The following KCNQ2 variants were observed in gnomAD, a reference collection of about 807,000 sequenced individuals.
The protein encoded by KCNQ2 is potassium voltage-gated channel subfamily Q member 2, also known as potassium voltage-gated channel subfamily KQT member 2.
KCNQ2 carries 14 observed loss-of-function variants against 84.8 expected under a neutral mutation model. The observed-to-expected ratio is 0.17, with a 90% CI of 0.11 to 0.26. The LOEUF (loss-of-function observed/expected upper bound fraction) is 0.26. Ranked by LOEUF, KCNQ2 falls within the 10% of genes least tolerant of loss-of-function variation. The pLI is 1.00. For synonymous variants in KCNQ2, 599 were observed against 554.1 expected (o/e 1.08, Z -1.14); for missense variants, 788 against 1,254.0 (o/e 0.63, Z 5.61).
intron 5 of KCNQ2, among the ~76,000 whole-genome samples, chr20:63,440,956 T>C (rs1441017304): frequency 2.0e-5 from 3 of 150,138 alleles, no homozygotes; most frequent in Non-Finnish European, 4.4e-5. Flanking sequence ...AAAGGAGGCG[T>C]GGTTTTTTGT....
chr20:63,455,914 CGGG>C (rs2081775798), intron 1 of KCNQ2, among the ~76,000 whole-genome samples: 1 of 112,144 alleles, frequency 8.9e-6, no homozygotes, highest in African/African-American at 4.1e-5. Flanking sequence ...CCCCCACCTC[CGGG>C]AGGCCCCTCT....
At chr20:63,461,036 G>T (rs1331488113) in intron 1 of KCNQ2, 1 of 152,254 alleles carries the variant, frequency 6.6e-6, no homozygotes, top group Non-Finnish European at 1.5e-5. Context: ...GCACAGGCGG[G>T]CGCAGACACC....
At chr20:63,434,052 G>A in intron 7 of KCNQ2, 149 bp from the exon 8 acceptor site, 1 of 656,064 alleles carries the variant, frequency 1.5e-6, no homozygotes, top group Non-Finnish European at 2.6e-6. Flanking sequence ...AGGCCCCAGT[G>A]CTGCATCAGC....
At chr20:63,458,786 C>G (rs1303141705) in intron 1 of KCNQ2, among the ~76,000 whole-genome samples, 2 of 152,234 alleles carry the variant, frequency 1.3e-5, no homozygotes, top group African/African-American at 4.8e-5. Context: ...TGCTCGAGAG[C>G]CCAGGCTGGC....
At chr20:63,453,122 C>T (rs1415696060) in intron 1 of KCNQ2, among the ~76,000 whole-genome samples, 2 of 152,166 alleles carry the variant, frequency 1.3e-5, no homozygotes, top group Non-Finnish European at 2.9e-5. Context: ...TGCCGCCCCG[C>T]GGTGGACGTC....
intron 1 of KCNQ2, among the ~76,000 whole-genome samples, chr20:63,450,618 AGGGTCAAGGTG>A (rs1363195719): frequency 2.9e-4 from 2 of 7,012 alleles, no homozygotes; most frequent in Non-Finnish European, 5.4e-4. Flanking sequence ...GAGGTCACAC[AGGGTCAAGGTG>A]GGGTCAAGGT....
At chr20:63,419,492 G>C in intron 12 of KCNQ2, 127 bp downstream of exon 12, 1 of 906,628 alleles carries the variant, frequency 1.1e-6, no homozygotes, top group Non-Finnish European at 1.7e-6. Flanking sequence ...CGCACCGCCA[G>C]GGCGGTGGGT....
In KCNQ2 at chr20:63,438,735, G is replaced by T. The variant is rs374775048; in HGVS notation, c.928-15C>A. ...CCCAAGATGCCCTGCAATTCATCAGGGTCAGGTCACACCCCAGGGACCCCC... is the reference window on the plus strand; with the variant it reads ...CCCAAGATGCCCTGCAATTCATCAGTGTCAGGTCACACCCCAGGGACCCCC... On this transcript the variant is annotated splice_polypyrimidine_tract_variant and intron_variant, in intron 6 of 16. Coordinates refer to ENST00000359125, the MANE Select transcript of KCNQ2 (RefSeq NM_172107.4). This position sits in a 1 kb window ranked among gnomAD's most constrained non-coding sequence, Gnocchi z 5.1. The T allele has an allele frequency of 1.2e-6, 2 of 1,611,624 alleles. No individual in the cohort carries two copies. Among genetic ancestry groups the T allele is most frequent in the Non-Finnish European group, 1.7e-6 (2 of 1,178,850 alleles).
At chr20:63,411,467 G>A (rs969616111) in intron 15 of KCNQ2, among the ~76,000 whole-genome samples, 1 of 152,208 alleles carries the variant, frequency 6.6e-6, no homozygotes. Context: ...TGATCCTGGA[G>A]GTGCTGCCCG....
At chr20:63,469,797 A>G (rs573096425) in intron 1 of KCNQ2, among the ~76,000 whole-genome samples, 1 of 152,376 alleles carries the variant, frequency 6.6e-6, no homozygotes, top group African/African-American at 2.4e-5. Context: ...CACACGGGCC[A>G]GTCCATGCCG....
intron 5 of KCNQ2, among the ~76,000 whole-genome samples, chr20:63,440,302 G>A (rs982572998): frequency 9.2e-5 from 14 of 152,074 alleles, no homozygotes; most frequent in African/African-American, 7.2e-5. Flanking sequence ...CAAGGGTCCC[G>A]GTGAGCCCAG....
chr20:63,423,807 C>A (rs6090414), intron 11 of KCNQ2: 1 of 312,618 alleles, frequency 3.2e-6, no homozygotes, highest in Non-Finnish European at 6.0e-6. Flanking sequence ...CGACTCAGGC[C>A]AGCTGTGAGC....
chr20:63,448,011 G>C (rs930351066), intron 1 of KCNQ2: 1 of 152,364 alleles, frequency 6.6e-6, no homozygotes, highest in Middle Eastern at 3.4e-3. Flanking sequence ...GCTAGCCCCC[G>C]AAGACCCTGC....
intron 10 of KCNQ2, among the ~76,000 whole-genome samples, chr20:63,426,684 C>T (rs909730689): frequency 6.6e-6 from 1 of 152,176 alleles, no homozygotes; most frequent in Non-Finnish European, 1.5e-5. Context: ...CTCTGCCCAA[C>T]AGTAGCGCAC....
intron 1 of KCNQ2, among the ~76,000 whole-genome samples, chr20:63,458,124 C>G (rs955536684): frequency 5.9e-5 from 9 of 152,190 alleles, no homozygotes; most frequent in Admixed American, 5.9e-4. Flanking sequence ...GCTCGCAGCC[C>G]CTGGCCTGGG....
chr20:63,424,800 T>C (rs2080579596), intron 10 of KCNQ2, among the ~76,000 whole-genome samples: 1 of 152,214 alleles, frequency 6.6e-6, no homozygotes, highest in Non-Finnish European at 1.5e-5. Flanking sequence ...TTTCCGCGGG[T>C]AAAGGCGTTA....
At chr20:63,454,276 C>T (rs1392927503) in intron 1 of KCNQ2, among the ~76,000 whole-genome samples, 3 of 152,200 alleles carry the variant, frequency 2.0e-5, no homozygotes, top group African/African-American at 7.2e-5. Context: ...CCCCTCCCGC[C>T]GCTGCCCCTC....
chr20:63,419,630 G>T lies in KCNQ2; in HGVS notation c.1290C>A (p.Pro430=). 6.2e-7 allele frequency: 1 copy of T among 1,611,202 alleles called. No homozygotes were observed. The highest frequency in any genetic ancestry group is 8.5e-7 in the Non-Finnish European group (1 of 1,179,454). Residue 430 remains proline, a synonymous_variant, in exon 12 of 17, where the codon CCC becomes CCA. Coordinates refer to ENST00000359125, the MANE Select transcript of KCNQ2 (RefSeq NM_172107.4). The stretch of plus-strand genomic sequence containing the variant: ...GTGTTCCGCGGTACCTAGAGCGTCC[G>T]GGGCAGCATCCACACAGGGGCCCTC... ...PCRGPLCGCC[P]GRSSQKVSLK... is the part of the protein sequence containing the mutation.
intron 1 of KCNQ2, among the ~76,000 whole-genome samples, chr20:63,455,167 A>C (rs1453891844): frequency 6.6e-6 from 1 of 152,200 alleles, no homozygotes; most frequent in African/African-American, 2.4e-5. Flanking sequence ...TGGGAGGACG[A>C]TGGGAGGACC....
Sources: gnomAD v4.1 joint callset for allele counts (sites outside exome capture counted in the v4.1 genomes callset) on GRCh38, gnomAD v4.1.1 for gene constraint, Gnocchi (gnomAD v3.1) non-coding constraint, MANE v1.5 for transcripts, NCBI Gene and HGNC (gene_info 2026-07-23, HGNC 2026-07-21) for gene names.